Variants in CLIP2 observed in about 807,000 individuals in gnomAD.
CLIP2 encodes CAP-Gly domain-containing linker protein 2.
In CLIP2, 41 loss-of-function variants were observed where a neutral mutation model predicts 111.7. The observed-to-expected ratio is 0.37, with a 90% CI of 0.29 to 0.48. The LOEUF is 0.48. CLIP2 is among the 20% of genes least tolerant of loss of function. The probability of loss-of-function intolerance (pLI) is 0.99; values close to 1 mark genes in which losing one functional copy is unlikely to be tolerated. For synonymous variants in CLIP2, 660 were observed against 644.2 expected (o/e 1.02, Z -0.37); for missense variants, 1,160 against 1,422.1 (o/e 0.82, Z 2.96).
chr7:74,376,672 G>T lies in CLIP2; in HGVS notation c.2271G>T (p.Ser757=). The T allele has an allele frequency of 3.1e-6, 5 of 1,613,268 alleles. No individual in the cohort carries two copies. The highest frequency in any genetic ancestry group is 3.4e-6 in the Non-Finnish European group (4 of 1,179,872). ...QAIEFLKEQI[S]LAEKKMLDYE... Reference sequence around the variant, plus strand: ...TCGAGTTCCTCAAGGAGCAGATCTCGCTGGCCGAGAAGAAGATGTTGGACT... The same window carrying T: ...TCGAGTTCCTCAAGGAGCAGATCTCTCTGGCCGAGAAGAAGATGTTGGACT... Residue 757 remains serine (S), a synonymous_variant, in exon 10 of 17, where the codon TCG becomes TCT. Transcript: ENST00000223398. This position sits in a 1 kb window ranked among gnomAD's most constrained non-coding sequence, Gnocchi z 7.1.
At chr7:74,365,497 C>A (rs74937568) in intron 8 of CLIP2, among the ~76,000 whole-genome samples, 8 of 152,174 alleles carry the variant, frequency 5.3e-5, no homozygotes, top group Admixed American at 4.6e-4. Context: ...CACTACCTAC[C>A]AGCTGTCATT....
In CLIP2 at chr7:74,403,722, C is replaced by A. The variant is rs546179541; in HGVS notation, c.3130-115C>A. ...TCAGGGCCTTGGCACATGCAGTTCG[C>A]TCTATGCTCCTCCCCCACCCGGCCC... On this transcript the variant is annotated intron_variant, in intron 16 of 16. Coordinates refer to ENST00000223398, the MANE Select transcript of CLIP2 (RefSeq NM_003388.5). 47 of 1,056,884 alleles carry A rather than the reference C, an allele frequency of 4.4e-5. No homozygotes were observed. The South Asian group carries it at 5.8e-4, about 13-fold the overall frequency. 65.5% of individuals were successfully genotyped at this position (1,056,884 alleles called of 1,614,324 possible).
intron 1 of CLIP2, among the ~76,000 whole-genome samples, chr7:74,317,033 C>T (rs534221005): frequency 6.6e-6 from 1 of 152,286 alleles, no homozygotes; most frequent in South Asian, 2.1e-4. Flanking sequence ...GCCACTGTAC[C>T]CAGTCTAAAA....
intron 1 of CLIP2, among the ~76,000 whole-genome samples, chr7:74,293,111 T>A (rs1382052348): frequency 3.3e-5 from 5 of 152,216 alleles, no homozygotes; most frequent in Non-Finnish European, 7.3e-5. Context: ...GGAGCAGGGC[T>A]GGCTTTGAGG....
At chr7:74,353,526 C>T (rs369656071) in intron 3 of CLIP2, among the ~76,000 whole-genome samples, 18 of 152,294 alleles carry the variant, frequency 1.2e-4, no homozygotes, top group Middle Eastern at 3.4e-3. Flanking sequence ...GCTGGGATTA[C>T]AGGCATGAGC....
chr7:74,327,735 A>G (rs1446628372), intron 2 of CLIP2, among the ~76,000 whole-genome samples: 2 of 152,064 alleles, frequency 1.3e-5, no homozygotes, highest in Non-Finnish European at 2.9e-5. Context: ...GGGTGGGGGC[A>G]GGGCTGCCTC....
intron 13 of CLIP2, among the ~76,000 whole-genome samples, chr7:74,394,242 C>CTTCTTTTT (rs782731877): frequency 3.3e-5 from 4 of 119,736 alleles, no homozygotes; most frequent in East Asian, 3.1e-4. Context: ...TCTTTTTCTT[C>CTTCTTTTT]TTATTTTTTT....
intron 1 of CLIP2, among the ~76,000 whole-genome samples, chr7:74,312,847 G>A (rs1237692115): frequency 6.6e-6 from 1 of 152,142 alleles, no homozygotes; most frequent in Non-Finnish European, 1.5e-5. Flanking sequence ...TCTTAAAACT[G>A]CCAGTCTGAG....
intron 13 of CLIP2, among the ~76,000 whole-genome samples, chr7:74,390,186 AAAG>A (rs1791249961): frequency 2.1e-5 from 2 of 95,786 alleles, no homozygotes; most frequent in Non-Finnish European, 4.9e-5. Context: ...AGAAAGAAAG[AAAG>A]AAAGAAAGAA....
rs1791703108 is a variant in CLIP2 at position 74,404,204 on chromosome 7, C to T, written c.*356C>T. The T allele has an allele frequency of 3.5e-6, 1 of 283,448 alleles. No homozygotes were observed. 17.6% of individuals were successfully genotyped at this position (283,448 alleles called of 1,614,324 possible). A position where few individuals can be genotyped will look rare whatever the true frequency, so the allele number is the denominator to read the frequency against. On this transcript the variant is annotated 3_prime_UTR_variant, in exon 17 of 17. Coordinates refer to ENST00000223398, the MANE Select transcript of CLIP2 (RefSeq NM_003388.5). Reference sequence around the variant, plus strand: ...CTGAGGACCATCTTAGCGGCCCTGTCCTCTTTTTCCGCCCATTCTCCCTCG... The same window carrying T: ...CTGAGGACCATCTTAGCGGCCCTGTTCTCTTTTTCCGCCCATTCTCCCTCG...
At chr7:74,302,241 A>T (rs1319352163) in intron 1 of CLIP2, among the ~76,000 whole-genome samples, 1 of 151,720 alleles carries the variant, frequency 6.6e-6, no homozygotes, top group African/African-American at 2.4e-5. Flanking sequence ...TTTGAAATAG[A>T]GTCTTACTCT....
At chr7:74,357,860 G>T (rs1200618547) in intron 6 of CLIP2, among the ~76,000 whole-genome samples, 3 of 150,882 alleles carry the variant, frequency 2.0e-5, no homozygotes, top group Non-Finnish European at 4.4e-5. Flanking sequence ...CGGTTCAAGC[G>T]ATTCTCCTGC....
intron 2 of CLIP2, among the ~76,000 whole-genome samples, chr7:74,332,441 C>T (rs1395497834): frequency 6.7e-6 from 1 of 150,124 alleles, no homozygotes; most frequent in Admixed American, 6.7e-5. Context: ...GATCATGCCT[C>T]ACTGCAGCCT....
At position 74,357,203 on chromosome 7, in the gene CLIP2, A is replaced by G. The variant is rs1790171727; in HGVS notation, c.1018-77A>G. 1.6e-5 allele frequency: 21 copies of G among 1,343,466 alleles called. No individual in the cohort carries two copies. The Admixed American group carries it at 1.8e-4, about 12-fold the overall frequency. The allele number at this position is 1,343,466 out of a possible 1,614,324, so 83.2% of individuals were successfully genotyped here. On this transcript the variant is annotated intron_variant, in intron 5 of 16. Coordinates refer to ENST00000223398, the MANE Select transcript of CLIP2 (RefSeq NM_003388.5). ...GCTCCCACCTGCTATGTTGCTGTAG[A>G]TTAGGCTGGACAGAGCCAGTCTGCC...
chr7:74,385,514 T>G (rs1791064594), intron 11 of CLIP2, among the ~76,000 whole-genome samples: 1 of 151,766 alleles, frequency 6.6e-6, no homozygotes, highest in South Asian at 2.1e-4. Flanking sequence ...TTTAGTGGTA[T>G]TACATTCCCT....
In CLIP2 at chr7:74,405,482, A is replaced by T. The variant is rs369899290; in HGVS notation, c.*1634A>T. 6.5e-6 allele frequency: 1 copy of T among 152,904 alleles called. No homozygotes were observed. The highest frequency in any genetic ancestry group is 2.1e-4 in the South Asian group (1 of 4,830). The allele number at this position is 152,904 out of a possible 1,614,324, so 9.5% of individuals were successfully genotyped here. A position where few individuals can be genotyped will look rare whatever the true frequency, so the allele number is the denominator to read the frequency against. On this transcript the variant is annotated 3_prime_UTR_variant, in exon 17 of 17. Transcript: ENST00000223398. ...TCACGTTCCTGCCCAAATGCAGCCC[A>T]TCGGGGAGTCACAGTCAGTCCCCCC...
chr7:74,378,106 G>A (rs12538827), intron 10 of CLIP2, among the ~76,000 whole-genome samples: 14,748 of 143,708 alleles, frequency 0.1, 967 homozygotes, highest in Middle Eastern at 0.15. Flanking sequence ...GATTACAGGC[G>A]TGAGGCACCA....
At chr7:74,371,605 A>G (rs1790624304) in intron 8 of CLIP2, among the ~76,000 whole-genome samples, 1 of 126,080 alleles carries the variant, frequency 7.9e-6, no homozygotes, top group Admixed American at 8.7e-5. Context: ...GAAGGAGAGA[A>G]GGAGGGAGGG....
At chr7:74,402,345 C>G (rs1171241749) in intron 16 of CLIP2, among the ~76,000 whole-genome samples, 1 of 117,400 alleles carries the variant, frequency 8.5e-6, no homozygotes, top group African/African-American at 3.1e-5. Flanking sequence ...AAAAAAAAAC[C>G]AAAAAAAAAA....
Sources: gnomAD v4.1 joint callset for allele counts (sites outside exome capture counted in the v4.1 genomes callset) on GRCh38, gnomAD v4.1.1 for gene constraint, Gnocchi (gnomAD v3.1) non-coding constraint, MANE v1.5 for transcripts, NCBI Gene and HGNC (gene_info 2026-07-23, HGNC 2026-07-21) for gene names.